RANBP2: variants seen among roughly 807,000 people sequenced by gnomAD.
The protein encoded by RANBP2 is RAN binding protein 2, also known as E3 SUMO-protein ligase RanBP2.
A neutral mutation model predicts 303.6 loss-of-function variants in RANBP2; 57 were observed. The observed-to-expected ratio is 0.19, with a 90% CI of 0.15 to 0.23. RANBP2 has a LOEUF of 0.23. RANBP2 is among the 10% of genes least tolerant of loss of function. The pLI, the probability that RANBP2 is intolerant of heterozygous loss-of-function variation, is 1.00. For synonymous variants in RANBP2, 1,167 were observed against 1,301.5 expected (o/e 0.90, Z 2.23); for missense variants, 3,138 against 3,780.8 (o/e 0.83, Z 4.46).
the RANBP2 span, chr2:109,544,177 A>G: frequency 3.1e-6 from 5 of 1,588,228 alleles, no homozygotes; most frequent in Non-Finnish European, 4.3e-6. Context: ...TTCCATAAAT[A>G]TCAGTAACTG....
chr2:108,766,800 T>C lies in RANBP2; in HGVS notation c.6261T>C (p.His2087=), dbSNP rs1677150925. 1 of 1,611,990 alleles carries C rather than the reference T, an allele frequency of 6.2e-7. No homozygotes were observed. ...REQVLKVCAN[H]WITTTMNLKP... is the part of the protein sequence containing the mutation. The stretch of plus-strand genomic sequence containing the variant: ...AAGTACTAAAAGTGTGTGCTAATCA[T>C]TGGATAACGACTACGATGAACCTGA... The change falls in exon 20 of 29, where the codon CAT becomes CAC. Residue 2087 remains histidine, a synonymous_variant. Transcript: ENST00000283195.
At chr2:109,436,471 G>A in the RANBP2 span, among the ~76,000 whole-genome samples, 30 of 152,308 alleles carry the variant, frequency 2.0e-4, no homozygotes, top group African/African-American at 4.3e-4. Flanking sequence ...GGTGGCAGTC[G>A]TGCCCAGAGG....
chr2:109,199,607 T>TCAACCC, the RANBP2 span, among the ~76,000 whole-genome samples: 4 of 276 alleles, frequency 0.014, no homozygotes, highest in Non-Finnish European at 0.021. Context: ...TGGAATGGAA[T>TCAACCC]GGAATGGAAT....
chr2:109,049,673 C>G, the RANBP2 span, among the ~76,000 whole-genome samples: 3 of 152,202 alleles, frequency 2.0e-5, no homozygotes, highest in Non-Finnish European at 2.9e-5. Context: ...TTATTTCTAT[C>G]AATGTTGTTG....
chr2:109,459,277 CT>C, the RANBP2 span, among the ~76,000 whole-genome samples: 224 of 152,184 alleles, frequency 1.5e-3, no homozygotes, highest in African/African-American at 5.2e-3. Flanking sequence ...GGAGGAAATA[CT>C]TACAACAGTT....
chr2:108,749,215 A>G (rs1675652498), intron 9 of RANBP2, 86 bp downstream of exon 9: 1 of 1,598,364 alleles, frequency 6.3e-7, no homozygotes, highest in Admixed American at 1.7e-5. Flanking sequence ...TAACGACTTA[A>G]TATTTTCCTG....
At chr2:109,151,683 C>T in the RANBP2 span, among the ~76,000 whole-genome samples, 1 of 152,216 alleles carries the variant, frequency 6.6e-6, no homozygotes, top group African/African-American at 2.4e-5. Context: ...GTTTCCAGGG[C>T]CCAGTAGGCA....
the RANBP2 span, among the ~76,000 whole-genome samples, chr2:109,714,062 A>G: frequency 1.3e-5 from 2 of 152,188 alleles, no homozygotes; most frequent in African/African-American, 4.8e-5. Context: ...TAGATTACCC[A>G]CAACTACATG....
At chr2:109,199,627 T>TCGTTCC in the RANBP2 span, among the ~76,000 whole-genome samples, 1 of 96 alleles carries the variant, frequency 0.01, no homozygotes, top group Admixed American at 0.062. Flanking sequence ...TGGAATGGAA[T>TCGTTCC]GGAATGGAAT....
the RANBP2 span, among the ~76,000 whole-genome samples, chr2:108,844,760 T>G: frequency 6.6e-6 from 1 of 151,688 alleles, no homozygotes; most frequent in African/African-American, 2.4e-5. Context: ...TTTTTTTTTT[T>G]TTTTTGAGAC....
chr2:109,618,223 A>G, the RANBP2 span: 2 of 166,818 alleles, frequency 1.2e-5, no homozygotes, highest in African/African-American at 2.4e-5. Flanking sequence ...AAATCTATAC[A>G]TATTACTTGT....
the RANBP2 span, among the ~76,000 whole-genome samples, chr2:109,051,338 C>A: frequency 6.6e-6 from 1 of 152,158 alleles, no homozygotes; most frequent in African/African-American, 2.4e-5. Flanking sequence ...CTGTGTTTCA[C>A]TGTGAAGTTT....
At chr2:109,629,333 ATATATATATATATATATATATATTTT>A in the RANBP2 span, among the ~76,000 whole-genome samples, 61 of 10,580 alleles carry the variant, frequency 5.8e-3, no homozygotes, top group Non-Finnish European at 8.0e-3. Context: ...ATATATATAT[ATATATATATATATATATATATATTTT>A]TTTTTTTTTT....
chr2:108,865,846 C>T, the RANBP2 span, among the ~76,000 whole-genome samples: 1 of 152,060 alleles, frequency 6.6e-6, no homozygotes, highest in Non-Finnish European at 1.5e-5. Flanking sequence ...TGATCAACAC[C>T]CCAAATTGCC....
the RANBP2 span, among the ~76,000 whole-genome samples, chr2:109,656,425 C>T: frequency 2.0e-5 from 3 of 152,190 alleles, no homozygotes; most frequent in Non-Finnish European, 4.4e-5. Context: ...GCAGCCTCTG[C>T]CTCCCAGGTT....
At chr2:109,716,925 A>G in the RANBP2 span, among the ~76,000 whole-genome samples, 6 of 152,196 alleles carry the variant, frequency 3.9e-5, no homozygotes, top group African/African-American at 1.4e-4. Flanking sequence ...ATCTGCAGCT[A>G]TCTGCTTAGG....
chr2:109,015,845 G>A, the RANBP2 span, among the ~76,000 whole-genome samples: 2 of 152,200 alleles, frequency 1.3e-5, no homozygotes, highest in African/African-American at 4.8e-5. Context: ...AACTGTTTAT[G>A]TTATCCGTAA....
At chr2:109,110,890 A>T in the RANBP2 span, among the ~76,000 whole-genome samples, 1 of 152,170 alleles carries the variant, frequency 6.6e-6, no homozygotes, top group South Asian at 2.1e-4. Flanking sequence ...AGAGGACTCT[A>T]AGACCCCACA....
the RANBP2 span, among the ~76,000 whole-genome samples, chr2:109,373,616 C>T: frequency 6.6e-6 from 1 of 152,044 alleles, no homozygotes; most frequent in African/African-American, 2.4e-5. Flanking sequence ...TCTGTTGTGA[C>T]AGAAGTCAGA....
Sources: allele counts gnomAD v4.1 joint callset (sites outside exome capture counted in the v4.1 genomes callset), GRCh38; gene constraint gnomAD v4.1.1; transcripts MANE v1.5; gene names NCBI Gene and HGNC (gene_info 2026-07-23, HGNC 2026-07-21).